Variants in ANKRD31 observed in about 807,000 individuals in gnomAD.
ANKRD31 encodes the protein ankyrin repeat domain 31.
In ANKRD31, 147 loss-of-function variants were observed where a neutral mutation model predicts 186.0. The observed-to-expected ratio is 0.79, with a 90% CI of 0.69 to 0.91. The LOEUF (loss-of-function observed/expected upper bound fraction) is 0.91, where lower values mean the gene tolerates loss of function less well. Ranked by LOEUF, ANKRD31 falls within the 40% of genes least tolerant of loss-of-function variation. The pLI, the probability that ANKRD31 is intolerant of heterozygous loss-of-function variation, is 0.00. For synonymous variants in ANKRD31, 673 were observed against 736.4 expected, an observed-to-expected ratio of 0.91 and a Z score of 1.39; for missense variants, 1,986 against 2,148.8, an observed-to-expected ratio of 0.92 and a Z score of 1.50.
chr5:75,153,281 C>T (rs1042873857), intron 12 of ANKRD31, among the ~76,000 whole-genome samples: 1 of 152,134 alleles, frequency 6.6e-6, no homozygotes, highest in Non-Finnish European at 1.5e-5. Context: ...CTCAGTTAAA[C>T]TGCTCCCAGA....
chr5:75,216,548 A>C (rs917052406), intron 3 of ANKRD31, among the ~76,000 whole-genome samples: 1 of 152,136 alleles, frequency 6.6e-6, no homozygotes, highest in East Asian at 1.9e-4. Flanking sequence ...TTTTTAAATG[A>C]GTTATTAGAA....
In ANKRD31 at chr5:75,176,874, C is replaced by T. The variant is rs546318928; in HGVS notation, c.1565-7753G>A. 4.6e-5 allele frequency among the ~76,000 whole-genome samples: 7 copies of T among 152,318 alleles called. No homozygotes were observed. The East Asian group carries it at 1.3e-3, about 29-fold the overall frequency. On this transcript the variant is annotated intron_variant, in intron 10 of 25. Transcript: ENST00000506364. Reference sequence around the variant, plus strand: ...GCTCCTCACCAGCAATGGAACAAAGCTGGATGGAGAATGACTTTGACGAGT... The same window carrying T: ...GCTCCTCACCAGCAATGGAACAAAGTTGGATGGAGAATGACTTTGACGAGT...
intron 19 of ANKRD31, among the ~76,000 whole-genome samples, chr5:75,113,803 CA>C (rs1265631141): frequency 6.6e-6 from 1 of 151,904 alleles, no homozygotes; most frequent in Non-Finnish European, 1.5e-5. Flanking sequence ...AAAAAACAAG[CA>C]AAAATAAAAA....
At chr5:75,150,353 T>G (rs1751759154) in intron 12 of ANKRD31, among the ~76,000 whole-genome samples, 1 of 151,968 alleles carries the variant, frequency 6.6e-6, no homozygotes, top group African/African-American at 2.4e-5. Flanking sequence ...TACTTGAAAG[T>G]TCTTCATCTG....
chr5:75,211,953 C>T (rs531875504), intron 3 of ANKRD31, among the ~76,000 whole-genome samples: 23 of 152,096 alleles, frequency 1.5e-4, no homozygotes, highest in Admixed American at 1.3e-3. Context: ...TGGTGGTGTC[C>T]TTTGACGCTC....
intron 11 of ANKRD31, among the ~76,000 whole-genome samples, chr5:75,168,275 A>G (rs1317625831): frequency 6.6e-6 from 1 of 152,074 alleles, no homozygotes; most frequent in African/African-American, 2.4e-5. Flanking sequence ...GATAGTTAAT[A>G]CCCTTTCCCA....
chr5:75,141,401 C>G (rs960464234), intron 15 of ANKRD31, among the ~76,000 whole-genome samples: 1 of 151,748 alleles, frequency 6.6e-6, no homozygotes, highest in African/African-American at 2.4e-5. Context: ...AAAATTATAT[C>G]TCAGATTGCA....
Position 75,118,124 on chromosome 5 carries a change from G to T in ANKRD31, c.4039+11C>A. Reference sequence around the variant, plus strand: ...CTCTATATAAAATAGCAGCAATATTGATATACATACCATTGACTATAGCAT... The same window carrying T: ...CTCTATATAAAATAGCAGCAATATTTATATACATACCATTGACTATAGCAT... On this transcript the variant is annotated intron_variant, in intron 18 of 25. Transcript: ENST00000506364. The T allele has an allele frequency of 7.1e-7, 1 of 1,408,780 alleles. No individual in the cohort carries two copies. Among genetic ancestry groups the T allele is most frequent in the South Asian group, 1.7e-5 (1 of 59,358 alleles). The allele number at this position is 1,408,780 out of a possible 1,614,324, so 87.3% of individuals were successfully genotyped here. A position where few individuals can be genotyped will look rare whatever the true frequency, so the allele number is the denominator to read the frequency against.
At position 75,116,654 on chromosome 5, in the gene ANKRD31, C is replaced by A. The variant is rs1388284762; in HGVS notation, c.4067G>T (p.Arg1356Ile). ...NEKIPAVRSKRHKQCFCDDGK... is the reference protein window; with the variant it reads ...NEKIPAVRSKIHKQCFCDDGK... ...ATCATCACAAAAACACTGTTTATGT[C>A]TTTTAGACCGGACAGCAGGAATTTT... The change falls in exon 19 of 26, where the codon AGA (arginine) becomes ATA (isoleucine). Residue 1356 changes from arginine to isoleucine, a missense_variant. Physicochemically the swap from Arg to Ile is moderately conservative, Grantham distance 97. Coordinates refer to ENST00000506364, the MANE Select transcript of ANKRD31 (RefSeq NM_001372053.1). The A allele has an allele frequency of 1.4e-6, 2 of 1,436,906 alleles. No individual in the cohort carries two copies. Among genetic ancestry groups the A allele is most frequent in the South Asian group, 1.6e-5 (1 of 63,598 alleles). 89.0% of individuals were successfully genotyped at this position (1,436,906 alleles called of 1,614,324 possible). A position where few individuals can be genotyped will look rare whatever the true frequency, so the allele number is the denominator to read the frequency against.
At chr5:75,140,198 C>A (rs554646163) in intron 15 of ANKRD31, among the ~76,000 whole-genome samples, 1 of 144,174 alleles carries the variant, frequency 6.9e-6, no homozygotes, top group East Asian at 2.1e-4. Flanking sequence ...AGATACACTC[C>A]GTCTCAAAAA....
chr5:75,146,695 A>AATC lies in ANKRD31; in HGVS notation c.2713_2715dup (p.Asp905dup), dbSNP rs1296859022. 4 of 1,536,102 alleles carry AATC rather than the reference A, an allele frequency of 2.6e-6. No homozygotes were observed. Among genetic ancestry groups the AATC allele is most frequent in the African/African-American group, 2.7e-5 (2 of 73,084 alleles). ...GTTATAGCCTTCTCAGAGGTAGAGC[A>AATC]ATCATCATCATCATCATTATCAGAA... On this transcript the variant is annotated inframe_insertion, in exon 14 of 26. Transcript: ENST00000506364.
intron 5 of ANKRD31, among the ~76,000 whole-genome samples, chr5:75,205,947 A>C (rs1281942144): frequency 1.3e-5 from 2 of 152,010 alleles, no homozygotes; most frequent in Non-Finnish European, 2.9e-5. Context: ...GAACATAGGA[A>C]ACAAACTTTG....
rs1188904757 is a variant in ANKRD31, at chr5:75,138,007, A to C, written c.3734-9T>G. On this transcript the variant is annotated splice_polypyrimidine_tract_variant and intron_variant, in intron 16 of 25. Transcript: ENST00000506364. ...ATGAAGTGGTGTCCAACCTAAAAAA[A>C]GAAAAAGAAAAAAAAAAACCCTGCT... The C allele has an allele frequency of 3.5e-6, 5 of 1,417,194 alleles. No homozygotes were observed. The highest frequency in any genetic ancestry group is 2.3e-5 in the African/African-American group (1 of 43,310). The allele number at this position is 1,417,194 out of a possible 1,614,324, so 87.8% of individuals were successfully genotyped here.
At chr5:75,201,679 G>C (rs1178935158) in intron 5 of ANKRD31, among the ~76,000 whole-genome samples, 1 of 152,010 alleles carries the variant, frequency 6.6e-6, no homozygotes, top group Non-Finnish European at 1.5e-5. Context: ...ACCCCTCTTG[G>C]CCATGGGCAT....
chr5:75,104,043 T>C (rs944509259), intron 22 of ANKRD31, among the ~76,000 whole-genome samples, 185 bp downstream of exon 22: 1 of 152,140 alleles, frequency 6.6e-6, no homozygotes, highest in Non-Finnish European at 1.5e-5. Flanking sequence ...AAAATAAATG[T>C]ATCAGGGCAA....
intron 24 of ANKRD31, among the ~76,000 whole-genome samples, chr5:75,081,675 G>A (rs542647775): frequency 6.6e-6 from 1 of 151,720 alleles, no homozygotes; most frequent in South Asian, 2.1e-4. Context: ...GTGGGTGGTG[G>A]GGAGGAGGCA....
intron 11 of ANKRD31, 36 bp downstream of exon 11, chr5:75,168,943 A>G (rs1753118884): frequency 4.7e-6 from 7 of 1,487,270 alleles, no homozygotes; most frequent in Non-Finnish European, 6.3e-6. Flanking sequence ...TTTGCAAAAT[A>G]TAGTATTTGT....
chr5:75,084,319 AGTATGG>A lies in ANKRD31; in HGVS notation c.5522_5527del (p.Pro1841_Ile1842del), dbSNP rs1275921555. The A allele has an allele frequency of 6.5e-7, 1 of 1,537,078 alleles. No individual in the cohort carries two copies. Among genetic ancestry groups the A allele is most frequent in the Non-Finnish European group, 8.7e-7 (1 of 1,146,882 alleles). ...CTGAGGTACTGAGTTTGGTTCTGGAAGTATGGGTGCATCCTCAGAAACATACCTTAA... is the reference window on the plus strand; with the variant it reads ...CTGAGGTACTGAGTTTGGTTCTGGAAGTGCATCCTCAGAAACATACCTTAA... On this transcript the variant is annotated inframe_deletion, in exon 24 of 26. Transcript: ENST00000506364.
At chr5:75,190,688 T>C (rs1475070352) in intron 9 of ANKRD31, among the ~76,000 whole-genome samples, 2 of 150,310 alleles carry the variant, frequency 1.3e-5, no homozygotes, top group Non-Finnish European at 2.9e-5. Flanking sequence ...TTTTACTTTT[T>C]TCCCCCAGTT....
Sources: allele counts gnomAD v4.1 joint callset (sites outside exome capture counted in the v4.1 genomes callset), GRCh38; gene constraint gnomAD v4.1.1; transcripts MANE v1.5; gene names NCBI Gene and HGNC (gene_info 2026-07-23, HGNC 2026-07-21).